The following MEI4 variants were observed in gnomAD, a reference collection of about 807,000 sequenced individuals.
MEI4 encodes the protein meiosis-specific protein MEI4.
MEI4 carries 27 observed loss-of-function variants against 31.4 expected under a neutral mutation model. That is an observed-to-expected ratio of 0.86 (90% CI 0.63 to 1.19). The LOEUF is 1.19. Ranked by LOEUF, MEI4 falls within the 50% of genes most tolerant of loss-of-function variation. The probability of loss-of-function intolerance (pLI) is 0.00; values close to 1 mark genes in which losing one functional copy is unlikely to be tolerated. For missense variants in MEI4, 329 were observed against 398.9 expected (o/e 0.82, Z 1.49); for synonymous variants, 122 against 145.4 (o/e 0.84, Z 1.16).
At chr6:77,766,242 C>T (rs1014680353) in intron 3 of MEI4, among the ~76,000 whole-genome samples, 2 of 151,972 alleles carry the variant, frequency 1.3e-5, no homozygotes, top group African/African-American at 4.8e-5. Context: ...TTACTCTTTC[C>T]ACTGGTCCCT....
chr6:77,741,969 A>G (rs1767418829), intron 2 of MEI4, among the ~76,000 whole-genome samples: 2 of 151,904 alleles, frequency 1.3e-5, no homozygotes, highest in East Asian at 1.9e-4. Context: ...TTATGGCTGC[A>G]TAGTACTCCA....
At chr6:77,855,190 C>A (rs755490154) in intron 4 of MEI4, among the ~76,000 whole-genome samples, 1 of 151,886 alleles carries the variant, frequency 6.6e-6, no homozygotes, top group Non-Finnish European at 1.5e-5. Context: ...TAAAAAAATA[C>A]AAAAATTAGC....
intron 2 of MEI4, among the ~76,000 whole-genome samples, chr6:77,752,478 A>C (rs1363936057): frequency 5.3e-5 from 8 of 152,184 alleles, no homozygotes; most frequent in Admixed American, 2.0e-4. Flanking sequence ...ACAGACAGAG[A>C]GCCAAATCAT....
intron 2 of MEI4, among the ~76,000 whole-genome samples, chr6:77,741,750 C>A (rs889907583): frequency 1.4e-5 from 2 of 145,984 alleles, no homozygotes; most frequent in Non-Finnish European, 3.0e-5. Context: ...GGCATATCTC[C>A]TAATGCTATC....
intron 4 of MEI4, among the ~76,000 whole-genome samples, chr6:77,864,136 G>A (rs1479344013): frequency 2.0e-5 from 3 of 149,718 alleles, no homozygotes; most frequent in Admixed American, 6.7e-5. Context: ...ATGCCAAATT[G>A]TAAAGACCAT....
At chr6:77,863,208 C>T (rs1352302246) in intron 4 of MEI4, among the ~76,000 whole-genome samples, 1 of 152,100 alleles carries the variant, frequency 6.6e-6, no homozygotes, top group African/African-American at 2.4e-5. Context: ...CAGCTCCTCA[C>T]CAGCAATGGA....
intron 4 of MEI4, among the ~76,000 whole-genome samples, chr6:77,841,335 T>TATATA (rs1447791713): frequency 0.011 from 231 of 21,098 alleles, 2 homozygotes; most frequent in Non-Finnish European, 0.014. Context: ...ATATATATAT[T>TATATA]TTTTTTTTTT....
rs547375296 is a variant in MEI4, at chr6:77,791,078, T to C, written c.768+29413T>C. Among the ~76,000 whole-genome samples, 30 of 152,172 alleles carry C rather than the reference T, an allele frequency of 2.0e-4. No homozygotes were observed. The East Asian group carries it at 3.7e-3, about 19-fold the overall frequency. ...GAGAAATAGGAACACTTTGACACTG[T>C]TGGTGGGACTGTAAACTAGTTCAAC... is the stretch of plus-strand genomic sequence containing the variant. On this transcript the variant is annotated intron_variant, in intron 3 of 4. Coordinates refer to ENST00000684080, the MANE Select transcript of MEI4 (RefSeq NM_001322247.2).
chr6:77,741,660 G>A (rs1219129380), intron 2 of MEI4, among the ~76,000 whole-genome samples: 1 of 151,714 alleles, frequency 6.6e-6, no homozygotes, highest in East Asian at 1.9e-4. Context: ...GGGTACATGT[G>A]CACAATGTGC....
chr6:77,774,755 C>T (rs1768397078), intron 3 of MEI4, among the ~76,000 whole-genome samples: 1 of 151,990 alleles, frequency 6.6e-6, no homozygotes, highest in Non-Finnish European at 1.5e-5. Context: ...CAGCTCTCTA[C>T]TCTTTACTCA....
chr6:77,736,258 C>T (rs1022238861), intron 2 of MEI4, among the ~76,000 whole-genome samples: 19 of 151,958 alleles, frequency 1.3e-4, no homozygotes, highest in African/African-American at 4.4e-4. Flanking sequence ...GCAGTTTGAT[C>T]TCAGAGGGCT....
intron 2 of MEI4, among the ~76,000 whole-genome samples, chr6:77,744,940 T>G (rs9448195): frequency 0.013 from 2,010 of 152,202 alleles, 29 homozygotes; most frequent in African/African-American, 0.037. Context: ...GTCACCACCA[T>G]GCCTGCCCTA....
chr6:77,665,523 T>A (rs907229217), intron 1 of MEI4, among the ~76,000 whole-genome samples: 2 of 151,660 alleles, frequency 1.3e-5, no homozygotes, highest in African/African-American at 2.4e-5. Flanking sequence ...GAGAAGGGAT[T>A]GGGGTACTTG....
chr6:77,754,784 C>A (rs552790780), intron 2 of MEI4, among the ~76,000 whole-genome samples: 2 of 151,982 alleles, frequency 1.3e-5, no homozygotes, highest in Non-Finnish European at 2.9e-5. Context: ...TTCTTACATG[C>A]GGAGAGAGAG....
intron 3 of MEI4, among the ~76,000 whole-genome samples, chr6:77,804,877 T>G (rs1013115418): frequency 1.3e-5 from 2 of 152,348 alleles, no homozygotes; most frequent in Admixed American, 6.5e-5. Flanking sequence ...TAATAGAGTT[T>G]TAGTCACATG....
At chr6:77,840,174 T>C (rs772295704) in intron 4 of MEI4, among the ~76,000 whole-genome samples, 3 of 152,160 alleles carry the variant, frequency 2.0e-5, no homozygotes, top group Non-Finnish European at 4.4e-5. Context: ...TATACATGTT[T>C]TAAAAAGTAA....
intron 1 of MEI4, among the ~76,000 whole-genome samples, chr6:77,666,271 C>G (rs1295018506): frequency 2.0e-5 from 3 of 152,004 alleles, no homozygotes; most frequent in Admixed American, 6.5e-5. Context: ...GTACATTGAT[C>G]AGTTCATTGA....
At chr6:77,920,710 C>G (rs377381506) in intron 4 of MEI4, among the ~76,000 whole-genome samples, 2 of 151,848 alleles carry the variant, frequency 1.3e-5, no homozygotes, top group African/African-American at 2.4e-5. Context: ...ACAAAAATTA[C>G]TCTTGAGCCA....
At position 77,926,102 on chromosome 6, in the gene MEI4, G is replaced by A. The variant is rs1766838429; in HGVS notation, c.*2756G>A. On this transcript the variant is annotated 3_prime_UTR_variant, in exon 5 of 5. Coordinates refer to ENST00000684080, the MANE Select transcript of MEI4 (RefSeq NM_001322247.2). The stretch of plus-strand genomic sequence containing the variant: ...ACACTCCTACTTTACTGCACTGCCT[G>A]TTATGTGCAGCTCTCCTGGCACTTC... 1 of 151,872 alleles carries A rather than the reference G, an allele frequency of 6.6e-6. No homozygotes were observed. Among genetic ancestry groups the A allele is most frequent in the Admixed American group, 6.6e-5 (1 of 15,188 alleles). 9.4% of individuals were successfully genotyped at this position (151,872 alleles called of 1,614,324 possible).
Sources: gnomAD v4.1 joint callset for allele counts (sites outside exome capture counted in the v4.1 genomes callset) on GRCh38, gnomAD v4.1.1 for gene constraint, MANE v1.5 for transcripts, NCBI Gene and HGNC (gene_info 2026-07-23, HGNC 2026-07-21) for gene names.